The following SMAD4 variants were observed in gnomAD, a reference collection of about 807,000 sequenced individuals.
The protein encoded by SMAD4 is SMAD family member 4.
SMAD4 carries 7 observed loss-of-function variants against 63.2 expected under a neutral mutation model. The ratio of observed to expected loss-of-function variants is 0.11; its 90% CI spans 0.06 to 0.21. The LOEUF (loss-of-function observed/expected upper bound fraction) is 0.21. Ranked by LOEUF, SMAD4 falls within the 10% of genes least tolerant of loss-of-function variation. The probability of loss-of-function intolerance (pLI) is 1.00; values close to 1 mark genes in which losing one functional copy is unlikely to be tolerated. For missense variants in SMAD4, 312 were observed against 693.8 expected (o/e 0.45, Z 6.18); for synonymous variants, 215 against 235.4 (o/e 0.91, Z 0.79).
Position 51,076,781 on chromosome 18 carries a change from G to T in SMAD4, c.1447+5G>T. ...GTGGAATAGCTCCAGCTATCAGTAAGTATGCTTTTCATTCTTTTTTAAAGG... is the reference window on the plus strand; with the variant it reads ...GTGGAATAGCTCCAGCTATCAGTAATTATGCTTTTCATTCTTTTTTAAAGG... On this transcript the variant is annotated splice_donor_5th_base_variant and intron_variant, in intron 11 of 11. Transcript: ENST00000342988. The T allele has an allele frequency of 1.3e-6, 2 of 1,599,488 alleles. No homozygotes were observed. The highest frequency in any genetic ancestry group is 1.7e-6 in the Non-Finnish European group (2 of 1,170,570).
At chr18:51,056,736 AG>A (rs1262727425) in intron 5 of SMAD4, among the ~76,000 whole-genome samples, 1 of 151,904 alleles carries the variant, frequency 6.6e-6, no homozygotes, top group African/African-American at 2.4e-5. Flanking sequence ...GAGCTGATTT[AG>A]TCGTATTGTT....
intron 4 of SMAD4, chr18:51,054,529 G>A (rs1909789322): frequency 4.3e-6 from 2 of 465,814 alleles, no homozygotes; most frequent in Admixed American, 3.5e-5. Flanking sequence ...GGAGGCTGTT[G>A]AAACATAGAC....
chr18:51,065,315 C>G (rs894111103), intron 8 of SMAD4, 108 bp from the exon 9 acceptor site: 32 of 879,932 alleles, frequency 3.6e-5, no homozygotes, highest in Non-Finnish European at 5.6e-5. Flanking sequence ...ACATTTCCAT[C>G]TCCCCTCCCT....
rs563321159 is a variant in SMAD4 at position 51,078,636 on chromosome 18, A to C, written c.*169A>C. ...TAGCAGACAGAAACTGGATTAAAAC[A>C]ATTTTTTTTTTCCTCTTCAGAACTT... is the stretch of plus-strand genomic sequence containing the variant. On this transcript the variant is annotated 3_prime_UTR_variant, in exon 12 of 12. Coordinates refer to ENST00000342988, the MANE Select transcript of SMAD4 (RefSeq NM_005359.6). 2 of 597,906 alleles carry C rather than the reference A, an allele frequency of 3.3e-6. No individual in the cohort carries two copies. Among genetic ancestry groups the C allele is most frequent in the Admixed American group, 6.1e-5 (2 of 32,866 alleles). The allele number at this position is 597,906 out of a possible 1,614,324, so 37.0% of individuals were successfully genotyped here.
chr18:51,060,210 G>C (rs979750339), intron 8 of SMAD4, among the ~76,000 whole-genome samples: 5 of 152,066 alleles, frequency 3.3e-5, no homozygotes, highest in African/African-American at 1.2e-4. Flanking sequence ...AATAAAACTA[G>C]GTTTCAAAAT....
At chr18:51,067,211 AT>A in intron 10 of SMAD4, 24 bp downstream of exon 10, 1 of 1,344,744 alleles carries the variant, frequency 7.4e-7, no homozygotes, top group Non-Finnish European at 1.1e-6. Context: ...TTATTTGAAT[AT>A]TTTAGACTTA....
chr18:51,064,433 C>T (rs1910096615), intron 8 of SMAD4, among the ~76,000 whole-genome samples: 1 of 152,136 alleles, frequency 6.6e-6, no homozygotes, highest in Non-Finnish European at 1.5e-5. Flanking sequence ...TATTTGTCTG[C>T]CCCTGCACCT....
intron 1 of SMAD4, among the ~76,000 whole-genome samples, chr18:51,031,640 C>T (rs755473989): frequency 6.6e-6 from 1 of 151,718 alleles, no homozygotes; most frequent in African/African-American, 2.4e-5. Context: ...TGACTTTTGC[C>T]AGAATTAGCA....
In SMAD4 at chr18:51,058,485, A is replaced by ATTT. The variant is rs386387676; in HGVS notation, c.904+43_904+45dup. 25,758 of 1,086,120 alleles carry ATTT rather than the reference A, an allele frequency of 0.024. 65 individuals are homozygous for ATTT. The highest frequency in any genetic ancestry group is 0.025 in the Non-Finnish European group (19,119 of 754,028). 67.3% of individuals were successfully genotyped at this position (1,086,120 alleles called of 1,614,324 possible). The stretch of plus-strand genomic sequence containing the variant: ...AGCTCTTGTTTTTGTTGTAAGGGCT[A>ATTT]TTTTTTTTTTTTTTTTGGTAGGGCT... On this transcript the variant is annotated intron_variant, in intron 7 of 11. Coordinates refer to ENST00000342988, the MANE Select transcript of SMAD4 (RefSeq NM_005359.6).
intron 4 of SMAD4, among the ~76,000 whole-genome samples, chr18:51,051,628 CAAGT>C (rs1158323911): frequency 6.6e-6 from 1 of 152,090 alleles, no homozygotes; most frequent in African/African-American, 2.4e-5. Flanking sequence ...TTTGTCTACT[CAAGT>C]GAGCTTATAC....
chr18:51,073,376 TATATATATATATACACACAC>T lies in SMAD4; in HGVS notation c.1309-3260_1309-3241del, dbSNP rs1417889605. 1.9e-3 allele frequency among the ~76,000 whole-genome samples: 160 copies of T among 84,144 alleles called. 1 individual carries two copies. Among genetic ancestry groups the T allele is most frequent in the African/African-American group, 6.8e-3 (157 of 23,088 alleles). 55.2% of individuals were successfully genotyped at this position (84,144 alleles called of 152,430 possible). A position where few individuals can be genotyped will look rare whatever the true frequency, so the allele number is the denominator to read the frequency against. On this transcript the variant is annotated intron_variant, in intron 10 of 11. Transcript: ENST00000342988. ...CCAGATAACATTATATATATATATA[TATATATATATATACACACAC>T]ACACACACACACACACACACACACA...
chr18:51,080,974 TA>T lies in SMAD4; in HGVS notation c.*2510del, dbSNP rs1910598921. 5.0e-6 allele frequency: 1 copy of T among 201,910 alleles called. No individual in the cohort carries two copies. Among genetic ancestry groups the T allele is most frequent in the Admixed American group, 6.0e-5 (1 of 16,656 alleles). The allele number at this position is 201,910 out of a possible 1,614,324, so 12.5% of individuals were successfully genotyped here. A position where few individuals can be genotyped will look rare whatever the true frequency, so the allele number is the denominator to read the frequency against. On this transcript the variant is annotated 3_prime_UTR_variant, in exon 12 of 12. Coordinates refer to ENST00000342988, the MANE Select transcript of SMAD4 (RefSeq NM_005359.6). Reference sequence around the variant, plus strand: ...CTTGGTTTCTTTCTACTAAGAGCCATAAAGTATAGAAATACTTCTAGTTGTT... The same window carrying T: ...CTTGGTTTCTTTCTACTAAGAGCCATAAGTATAGAAATACTTCTAGTTGTT...
intron 4 of SMAD4, among the ~76,000 whole-genome samples, chr18:51,050,413 A>G (rs1343740089): frequency 6.6e-6 from 1 of 151,682 alleles, no homozygotes; most frequent in East Asian, 1.9e-4. Context: ...TAATCGCAGC[A>G]CTTTGGGAGG....
Position 51,078,370 on chromosome 18 carries a change from C to T in SMAD4, c.1562C>T (p.Thr521Ile), listed in dbSNP as rs876659840. The T allele has an allele frequency of 6.2e-7, 1 of 1,614,188 alleles. No homozygotes were observed. The highest frequency in any genetic ancestry group is 8.5e-7 in the Non-Finnish European group (1 of 1,180,018). ...PDYPRQSIKE[T>I]PCWIEIHLHR... ...TACCCAAGACAGAGCATCAAAGAAACACCTTGCTGGATTGAAATTCACTTA... is the reference window on the plus strand; with the variant it reads ...TACCCAAGACAGAGCATCAAAGAAATACCTTGCTGGATTGAAATTCACTTA... The change falls in exon 12 of 12, where the codon ACA (threonine) becomes ATA (isoleucine). Residue 521 changes from threonine (T) to isoleucine (I), a missense_variant. By Grantham distance (89) the Thr-to-Ile change is moderately conservative. Around this residue, in one of 4 missense-constraint regions of SMAD4, gnomAD observed 92 missense variants for 305.9 expected, o/e 0.30. Transcript: ENST00000342988.
Position 51,059,853 on chromosome 18 carries a change from GTCTTT to G in SMAD4, c.905-7_905-3del, listed in dbSNP as rs2144433011. 6.2e-7 allele frequency: 1 copy of G among 1,607,034 alleles called. No individual in the cohort carries two copies. On this transcript the variant is annotated splice_polypyrimidine_tract_variant and splice_region_variant and intron_variant, in intron 7 of 11. Transcript: ENST00000342988. ...AGTAAATAAAAATGGAATTTTTGTT[GTCTTT>G]TCTTTAGGGCCTGTTCACAATGAGC...
chr18:51,057,616 A>G (rs1284078379), intron 5 of SMAD4, among the ~76,000 whole-genome samples: 3 of 152,204 alleles, frequency 2.0e-5, no homozygotes, highest in African/African-American at 4.8e-5. Context: ...CATCTTCACT[A>G]TCACATCCTA....
intron 10 of SMAD4, among the ~76,000 whole-genome samples, chr18:51,070,589 A>C (rs1363888500): frequency 6.6e-6 from 1 of 152,218 alleles, no homozygotes; most frequent in African/African-American, 2.4e-5. Flanking sequence ...TTCACTTTCC[A>C]TGGCTTCAGG....
At chr18:51,067,914 G>C (rs564477470) in intron 10 of SMAD4, among the ~76,000 whole-genome samples, 2 of 152,134 alleles carry the variant, frequency 1.3e-5, no homozygotes, top group Non-Finnish European at 2.9e-5. Flanking sequence ...TTTTTCACTA[G>C]TTATATATTC....
intron 3 of SMAD4, 56 bp downstream of exon 3, chr18:51,048,916 T>C (rs1909626484): frequency 6.8e-7 from 1 of 1,465,952 alleles, no homozygotes; most frequent in Non-Finnish European, 9.5e-7. Flanking sequence ...ATCTCAATAG[T>C]GTTTCAATTT....
Sources: allele counts gnomAD v4.1 joint callset (sites outside exome capture counted in the v4.1 genomes callset), GRCh38; gene constraint gnomAD v4.1.1; regional missense constraint gnomAD v4.1.1; transcripts MANE v1.5; gene names NCBI Gene and HGNC (gene_info 2026-07-23, HGNC 2026-07-21).